The following CADPS2 variants were observed in gnomAD, a reference collection of about 807,000 sequenced individuals.
CADPS2 encodes the protein calcium-dependent secretion activator 2.
CADPS2 carries 93 observed loss-of-function variants against 172.5 expected under a neutral mutation model. The ratio of observed to expected loss-of-function variants is 0.54; its 90% CI spans 0.46 to 0.64. The LOEUF (loss-of-function observed/expected upper bound fraction) is 0.64. Ranked by LOEUF, CADPS2 falls within the 30% of genes least tolerant of loss-of-function variation. The probability of loss-of-function intolerance (pLI) is 0.00; values close to 1 mark genes in which losing one functional copy is unlikely to be tolerated. For synonymous variants in CADPS2, 546 were observed against 555.2 expected (o/e 0.98, Z 0.23); for missense variants, 1,420 against 1,565.9 (o/e 0.91, Z 1.57).
chr7:122,621,100 C>T (rs947688937), intron 5 of CADPS2, among the ~76,000 whole-genome samples: 1 of 151,818 alleles, frequency 6.6e-6, no homozygotes, highest in Non-Finnish European at 1.5e-5. Flanking sequence ...CAGGGTCTCA[C>T]TATGTTGCCT....
intron 19 of CADPS2, among the ~76,000 whole-genome samples, chr7:122,411,175 TTCTTTATA>T (rs780153992): frequency 5.3e-5 from 8 of 152,122 alleles, no homozygotes; most frequent in Non-Finnish European, 1.0e-4. Context: ...ATGGCTTGAT[TTCTTTATA>T]TCTTTTCTAC....
chr7:122,684,737 A>T (rs910080494), intron 2 of CADPS2, among the ~76,000 whole-genome samples: 5 of 152,166 alleles, frequency 3.3e-5, no homozygotes, highest in African/African-American at 1.2e-4. Context: ...TAAAAGCCAA[A>T]CCATTACATG....
chr7:122,749,248 C>T (rs37911), intron 1 of CADPS2, among the ~76,000 whole-genome samples: 28,314 of 152,024 alleles, frequency 0.19, 3,082 homozygotes, highest in African/African-American at 0.3. Context: ...TGGAATATCA[C>T]GACTGACCAA....
At chr7:122,364,659 G>A (rs1274898546) in intron 25 of CADPS2, among the ~76,000 whole-genome samples, 5 of 151,336 alleles carry the variant, frequency 3.3e-5, no homozygotes, top group Non-Finnish European at 7.4e-5. Flanking sequence ...CCCAGGAGGC[G>A]GAGCTTGCAG....
At chr7:122,520,023 T>C (rs962809303) in intron 8 of CADPS2, among the ~76,000 whole-genome samples, 13 of 152,030 alleles carry the variant, frequency 8.6e-5, no homozygotes, top group African/African-American at 2.9e-4. Flanking sequence ...AACATGATTC[T>C]TAAAAGAGTC....
At chr7:122,577,698 T>C (rs944954198) in intron 7 of CADPS2, among the ~76,000 whole-genome samples, 3 of 152,158 alleles carry the variant, frequency 2.0e-5, no homozygotes, top group Non-Finnish European at 4.4e-5. Flanking sequence ...TTGGATTGTA[T>C]AGTAAGTCTA....
chr7:122,729,361 T>A (rs548596320), intron 2 of CADPS2, among the ~76,000 whole-genome samples: 6 of 151,966 alleles, frequency 3.9e-5, no homozygotes, highest in African/African-American at 1.4e-4. Context: ...CATATTGATT[T>A]AATTTCCTTT....
chr7:122,414,565 G>A (rs2047669796), intron 18 of CADPS2, among the ~76,000 whole-genome samples: 2 of 151,986 alleles, frequency 1.3e-5, no homozygotes. Context: ...AGAACCTCCT[G>A]GGAATTCATT....
intron 1 of CADPS2, among the ~76,000 whole-genome samples, chr7:122,799,504 G>A (rs1156418850): frequency 1.3e-5 from 2 of 151,588 alleles, no homozygotes; most frequent in Non-Finnish European, 2.9e-5. Flanking sequence ...TTGGGAGGCT[G>A]AGGCGGGAGA....
At chr7:122,390,629 G>C (rs1426905970) in intron 22 of CADPS2, among the ~76,000 whole-genome samples, 1 of 151,952 alleles carries the variant, frequency 6.6e-6, no homozygotes, top group African/African-American at 2.4e-5. Flanking sequence ...TTTTTCTTCT[G>C]TTTGATTCTA....
chr7:122,634,282 G>C (rs1203237973), intron 3 of CADPS2, among the ~76,000 whole-genome samples: 6 of 152,056 alleles, frequency 3.9e-5, no homozygotes, highest in Non-Finnish European at 8.8e-5. Flanking sequence ...TAAATGCTGA[G>C]CTAAGAAGCT....
chr7:122,844,491 A>G (rs1273922912), intron 1 of CADPS2, among the ~76,000 whole-genome samples: 1 of 152,248 alleles, frequency 6.6e-6, no homozygotes, highest in Non-Finnish European at 1.5e-5. Context: ...AAGAACATCT[A>G]TAATATTCAA....
At chr7:122,548,979 A>C (rs2063914417) in intron 8 of CADPS2, among the ~76,000 whole-genome samples, 1 of 152,198 alleles carries the variant, frequency 6.6e-6, no homozygotes, top group Non-Finnish European at 1.5e-5. Context: ...TAAGCAAAGG[A>C]CCTAATAGGG....
At chr7:122,550,099 C>T (rs2064074841) in intron 8 of CADPS2, among the ~76,000 whole-genome samples, 2 of 152,188 alleles carry the variant, frequency 1.3e-5, no homozygotes, top group Admixed American at 6.5e-5. Flanking sequence ...GTCCCAACCT[C>T]TGGATGCCCA....
chr7:122,347,049 T>G (rs2037777584), intron 27 of CADPS2, among the ~76,000 whole-genome samples: 1 of 152,204 alleles, frequency 6.6e-6, no homozygotes, highest in South Asian at 2.1e-4. Context: ...GATAGGTAGG[T>G]AGAACTGATG....
rs377049939 is a variant in CADPS2 at position 122,659,639 on chromosome 7, C to T, written c.786+3598G>A. 1.5e-4 allele frequency among the ~76,000 whole-genome samples: 23 copies of T among 152,098 alleles called. No individual in the cohort carries two copies. In the East Asian group the frequency reaches 1.7e-3, roughly 12 times the overall value. ...AATAATAGACACTGACCCACAGATACAGGAAGCTCAGAAAAACACCAAGCA... is the reference window on the plus strand; with the variant it reads ...AATAATAGACACTGACCCACAGATATAGGAAGCTCAGAAAAACACCAAGCA... On this transcript the variant is annotated intron_variant, in intron 3 of 29. Transcript: ENST00000449022.
intron 19 of CADPS2, among the ~76,000 whole-genome samples, chr7:122,412,003 G>A (rs10241493): frequency 0.021 from 3,246 of 152,202 alleles, 66 homozygotes; most frequent in African/African-American, 0.04. Context: ...TTATAAATCA[G>A]TAAATAATGA....
At chr7:122,614,663 T>A (rs1230469796) in intron 6 of CADPS2, among the ~76,000 whole-genome samples, 1 of 152,096 alleles carries the variant, frequency 6.6e-6, no homozygotes, top group Non-Finnish European at 1.5e-5. Flanking sequence ...ACCTGAAACA[T>A]CAAACTGTTG....
At chr7:122,783,502 C>T (rs1312135816) in intron 1 of CADPS2, among the ~76,000 whole-genome samples, 2 of 152,118 alleles carry the variant, frequency 1.3e-5, no homozygotes, top group Non-Finnish European at 2.9e-5. Flanking sequence ...GGGTGTCTGT[C>T]CCTTGCAGAC....
Sources: gnomAD v4.1 joint callset for allele counts (sites outside exome capture counted in the v4.1 genomes callset) on GRCh38, gnomAD v4.1.1 for gene constraint, MANE v1.5 for transcripts, NCBI Gene and HGNC (gene_info 2026-07-23, HGNC 2026-07-21) for gene names.